Variants in RELN observed in about 807,000 individuals in gnomAD.
RELN encodes the protein reelin.
A neutral mutation model predicts 427.6 loss-of-function variants in RELN; 108 were observed. The observed-to-expected ratio is 0.25, with a 90% CI of 0.22 to 0.30. RELN has a LOEUF of 0.30. RELN is among the 10% of genes least tolerant of loss of function. The pLI is 1.00. For synonymous variants in RELN, 1,524 were observed against 1,513.4 expected, an observed-to-expected ratio of 1.01 and a Z score of -0.16; for missense variants, 3,715 against 4,302.8, an observed-to-expected ratio of 0.86 and a Z score of 3.82.
chr7:103,494,620 G>A (rs1181586651), intron 57 of RELN, among the ~76,000 whole-genome samples: 1 of 149,522 alleles, frequency 6.7e-6, no homozygotes, highest in Non-Finnish European at 1.5e-5. Flanking sequence ...CTTGGCCTCA[G>A]AGATCCTTCC....
chr7:103,936,963 A>T (rs1796001617), intron 1 of RELN, among the ~76,000 whole-genome samples: 1 of 152,148 alleles, frequency 6.6e-6, no homozygotes, highest in Non-Finnish European at 1.5e-5. Flanking sequence ...TTGTTCTTTT[A>T]AAAAAATTGG....
At chr7:103,856,991 T>C (rs1793963374) in intron 2 of RELN, among the ~76,000 whole-genome samples, 1 of 152,126 alleles carries the variant, frequency 6.6e-6, no homozygotes, top group South Asian at 2.1e-4. Flanking sequence ...ATCATTAAAT[T>C]TGTCATTTAA....
chr7:103,705,408 C>T (rs918649540), intron 8 of RELN, among the ~76,000 whole-genome samples: 1 of 152,058 alleles, frequency 6.6e-6, no homozygotes, highest in African/African-American at 2.4e-5. Context: ...AAAATCGTAA[C>T]CTTACAGAAA....
intron 49 of RELN, among the ~76,000 whole-genome samples, chr7:103,518,505 G>GTTTTTTTTTTTTGTTTTTTTT (rs1829625704): frequency 8.7e-6 from 1 of 114,404 alleles, no homozygotes; most frequent in African/African-American, 4.6e-5. Flanking sequence ...GGTAATTTAA[G>GTTTTTTTTTTTTGTTTTTTTT]TTTTTTTTTT....
chr7:103,692,500 G>A lies in RELN; in HGVS notation c.1143+5353C>T, dbSNP rs145840084. 1.1e-4 allele frequency among the ~76,000 whole-genome samples: 16 copies of A among 152,204 alleles called. No individual in the cohort carries two copies. In the East Asian group the frequency reaches 2.7e-3, roughly 26 times the overall value. On this transcript the variant is annotated intron_variant, in intron 10 of 64. Transcript: ENST00000428762. Reference sequence around the variant, plus strand: ...GATCTGAAACTAGTTGGGATTGGGGGTGGTGAGTGAGGAGGGAGAAGGAGC... The same window carrying A: ...GATCTGAAACTAGTTGGGATTGGGGATGGTGAGTGAGGAGGGAGAAGGAGC...
chr7:103,948,968 C>T (rs1220096968), intron 1 of RELN, among the ~76,000 whole-genome samples: 3 of 147,946 alleles, frequency 2.0e-5, no homozygotes, highest in Admixed American at 1.3e-4. Context: ...TGAGCCTCGG[C>T]CCTTGATTGC....
intron 11 of RELN, among the ~76,000 whole-genome samples, chr7:103,673,295 C>T (rs1217270238): frequency 6.6e-6 from 1 of 151,928 alleles, no homozygotes; most frequent in East Asian, 1.9e-4. Flanking sequence ...TATTTTTTAA[C>T]ACACATATTT....
intron 3 of RELN, 88 bp downstream of exon 3, chr7:103,833,449 A>G: frequency 3.2e-6 from 4 of 1,238,194 alleles, no homozygotes; most frequent in South Asian, 1.2e-5. Flanking sequence ...TCAAAATAAA[A>G]CACTTAAATA....
chr7:103,480,142 G>T (rs1389176674), intron 63 of RELN, among the ~76,000 whole-genome samples: 2 of 152,128 alleles, frequency 1.3e-5, no homozygotes, highest in Non-Finnish European at 2.9e-5. Context: ...AACATTGCTA[G>T]TTCAAATAAT....
intron 47 of RELN, among the ~76,000 whole-genome samples, chr7:103,522,838 G>GACACACACACACACAGAC (rs57364287): frequency 0.66 from 98,656 of 149,542 alleles, 34,953 homozygotes; most frequent in Non-Finnish European, 0.82. Context: ...CAGACACACA[G>GACACACACACACACAGAC]ACACACACAC....
chr7:103,836,177 G>A (rs1793402339), intron 2 of RELN, among the ~76,000 whole-genome samples: 1 of 151,964 alleles, frequency 6.6e-6, no homozygotes, highest in South Asian at 2.1e-4. Context: ...ATGTTGGCCA[G>A]GCTGGTTTTG....
Position 103,635,540 on chromosome 7 carries a change from T to C in RELN, c.2350A>G (p.Thr784Ala), listed in dbSNP as rs781104338. Residue 784 changes from threonine (T) to alanine (A), a missense_variant, in exon 19 of 65, where the codon ACG becomes GCG. Physicochemically the swap from Thr to Ala is moderately conservative, Grantham distance 58. Around this residue, in one of 4 missense-constraint regions of RELN, gnomAD observed 2,208 missense variants for 2,361.7 expected, o/e 0.93. Transcript: ENST00000428762. ...CCAGGCTGATCAGGGGCTCTGCACG[T>C]GCTCAGAACAGATTTGCTCCCCAGT... is the stretch of plus-strand genomic sequence containing the variant. ...LRLGSKSVLS[T>A]CRAPDQPGEG... 3.1e-6 allele frequency: 5 copies of C among 1,614,048 alleles called. No individual in the cohort carries two copies. In the East Asian group the frequency reaches 8.9e-5, roughly 29 times the overall value.
At chr7:103,647,751 C>T (rs1013823905) in intron 16 of RELN, among the ~76,000 whole-genome samples, 1 of 151,884 alleles carries the variant, frequency 6.6e-6, no homozygotes, top group African/African-American at 2.4e-5. Context: ...CCAAAGCAAT[C>T]CTAAGCAAAA....
At position 103,759,825 on chromosome 7, in the gene RELN, T is replaced by C. The variant is rs190675372; in HGVS notation, c.545-6611A>G. Among the ~76,000 whole-genome samples, 377 of 152,150 alleles carry C rather than the reference T, an allele frequency of 2.5e-3. 2 individuals carry two copies. The highest frequency in any genetic ancestry group is 8.8e-3 in the African/African-American group (365 of 41,530). On this transcript the variant is annotated intron_variant, in intron 4 of 64. Coordinates refer to ENST00000428762, the MANE Select transcript of RELN (RefSeq NM_005045.4). ...CCAATTATTTACAGCATCTCACAGATTATAATGAGTGGTTTATCCTTACGA... is the reference window on the plus strand; with the variant it reads ...CCAATTATTTACAGCATCTCACAGACTATAATGAGTGGTTTATCCTTACGA...
chr7:103,835,400 T>C (rs39373), intron 2 of RELN, among the ~76,000 whole-genome samples: 51,658 of 151,988 alleles, frequency 0.34, 9,450 homozygotes, highest in Non-Finnish European at 0.42. Context: ...TCCAAACACA[T>C]AGAATGTACA....
chr7:103,630,437 C>T (rs753829180), intron 19 of RELN, among the ~76,000 whole-genome samples: 8 of 152,130 alleles, frequency 5.3e-5, no homozygotes, highest in Non-Finnish European at 8.8e-5. Context: ...CAGTATTCAT[C>T]ATAGTCTAGT....
chr7:103,826,569 G>A (rs993334278), intron 3 of RELN, among the ~76,000 whole-genome samples: 4 of 151,854 alleles, frequency 2.6e-5, no homozygotes, highest in South Asian at 2.1e-4. Context: ...TCGCTGCCAT[G>A]GAAAAAATTT....
intron 50 of RELN, among the ~76,000 whole-genome samples, chr7:103,511,457 G>A (rs114679363): frequency 0.012 from 1,778 of 151,800 alleles, 28 homozygotes; most frequent in African/African-American, 0.041. Flanking sequence ...TTTTAATACC[G>A]GATAGGGAAT....
chr7:103,663,151 C>T (rs1400580966), intron 11 of RELN, among the ~76,000 whole-genome samples: 3 of 152,124 alleles, frequency 2.0e-5, no homozygotes, highest in Non-Finnish European at 2.9e-5. Flanking sequence ...CTTCCTGGCT[C>T]CTCCTACCCA....
Sources: allele counts gnomAD v4.1 joint callset (sites outside exome capture counted in the v4.1 genomes callset), GRCh38; gene constraint gnomAD v4.1.1; regional missense constraint gnomAD v4.1.1; transcripts MANE v1.5; gene names NCBI Gene and HGNC (gene_info 2026-07-23, HGNC 2026-07-21).